The following DLEU7 variants were observed in gnomAD, a reference collection of about 807,000 sequenced individuals.
The protein encoded by DLEU7 is deleted in lymphocytic leukemia 7, also known as leukemia-associated protein 7.
DLEU7 carries 17 observed loss-of-function variants against 16.0 expected under a neutral mutation model. That is an observed-to-expected ratio of 1.06 (90% confidence interval 0.73 to 1.59). DLEU7 has a LOEUF of 1.59. DLEU7 is among the 40% of genes most tolerant of loss of function. The pLI is 0.00. For missense variants in DLEU7, 308 were observed against 314.9 expected (o/e 0.98, Z 0.17); for synonymous variants, 113 against 139.8 (o/e 0.81, Z 1.35).
chr13:50,748,147 A>G (rs1874454550), intron 1 of DLEU7, among the ~76,000 whole-genome samples: 1 of 152,136 alleles, frequency 6.6e-6, no homozygotes, highest in Admixed American at 6.5e-5. Context: ...TTATGAAGTA[A>G]TACAGAGAAC....
intron 1 of DLEU7, among the ~76,000 whole-genome samples, chr13:50,718,049 C>T (rs542194181): frequency 1.3e-5 from 2 of 152,034 alleles, no homozygotes; most frequent in Non-Finnish European, 2.9e-5. Flanking sequence ...AATCTCAGGC[C>T]CTCCCCCAAG....
At chr13:50,762,468 G>T (rs982288040) in intron 1 of DLEU7, among the ~76,000 whole-genome samples, 1 of 152,112 alleles carries the variant, frequency 6.6e-6, no homozygotes, top group Non-Finnish European at 1.5e-5. Context: ...GCCCAGGTCG[G>T]AACCTATCCT....
intron 1 of DLEU7, among the ~76,000 whole-genome samples, chr13:50,793,388 C>G (rs1876022689): frequency 6.6e-6 from 1 of 152,176 alleles, no homozygotes; most frequent in South Asian, 2.1e-4. Context: ...ATTGCTGGGT[C>G]AAATGATAGT....
chr13:50,792,034 T>G (rs2137774397), intron 1 of DLEU7, among the ~76,000 whole-genome samples: 1 of 152,330 alleles, frequency 6.6e-6, no homozygotes, highest in East Asian at 1.9e-4. Flanking sequence ...TGGGGAAAAC[T>G]CTATCAAGTT....
intron 1 of DLEU7, among the ~76,000 whole-genome samples, chr13:50,804,305 T>C (rs894808315): frequency 1.4e-4 from 21 of 152,202 alleles, no homozygotes; most frequent in African/African-American, 4.3e-4. Context: ...TTAGAGAGAA[T>C]TGAAAACTGT....
intron 1 of DLEU7, among the ~76,000 whole-genome samples, chr13:50,769,115 C>T (rs901722673): frequency 6.6e-6 from 1 of 152,150 alleles, no homozygotes; most frequent in Non-Finnish European, 1.5e-5. Context: ...ATTCTTTGCC[C>T]ATTTTCTTGA....
chr13:50,758,025 ATTTTTTTTTT>A (rs5803530), intron 1 of DLEU7, among the ~76,000 whole-genome samples: 7 of 89,108 alleles, frequency 7.9e-5, no homozygotes, highest in Admixed American at 4.0e-4. Context: ...CATTACCAAG[ATTTTTTTTTT>A]TTTTTTTTTT....
intron 1 of DLEU7, among the ~76,000 whole-genome samples, chr13:50,828,702 C>T (rs1323832186): frequency 6.6e-6 from 1 of 152,162 alleles, no homozygotes; most frequent in Non-Finnish European, 1.5e-5. Context: ...AACTATTCTT[C>T]TCCCTATGAA....
chr13:50,843,080 G>T lies in DLEU7; in HGVS notation c.459+108C>A. 2 of 1,093,972 alleles carry T rather than the reference G, an allele frequency of 1.8e-6. No individual in the cohort carries two copies. The highest frequency in any genetic ancestry group is 2.5e-6 in the Non-Finnish European group (2 of 794,536). The allele number at this position is 1,093,972 out of a possible 1,614,324, so 67.8% of individuals were successfully genotyped here. ...CACTGGGGCTGAATCACAGTGGGCA[G>T]CAGTGTTTGGGATCCTGCGATCCAC... On this transcript the variant is annotated intron_variant, in intron 1 of 1. Coordinates refer to ENST00000504404, the MANE Select transcript of DLEU7 (RefSeq NM_001306135.2). This position sits in a 1 kb window ranked among gnomAD's most constrained non-coding sequence, Gnocchi z 5.7.
intron 1 of DLEU7, among the ~76,000 whole-genome samples, chr13:50,792,773 AT>A (rs1875998247): frequency 1.3e-5 from 2 of 151,864 alleles, no homozygotes; most frequent in Non-Finnish European, 2.9e-5. Context: ...TACCCAATCA[AT>A]TTAAGCCAGC....
intron 1 of DLEU7, among the ~76,000 whole-genome samples, chr13:50,715,116 C>G (rs138821431): frequency 6.6e-6 from 1 of 152,186 alleles, no homozygotes; most frequent in Non-Finnish European, 1.5e-5. Context: ...CTTGCAGCCT[C>G]TCTCTGATTC....
Position 50,827,513 on chromosome 13 carries a change from TAA to T in DLEU7, c.460-3995_460-3994del, listed in dbSNP as rs200738869. On this transcript the variant is annotated intron_variant, in intron 1 of 1. Coordinates refer to ENST00000504404, the MANE Select transcript of DLEU7 (RefSeq NM_001306135.2). Reference sequence around the variant, plus strand: ...GGGCTACATGGCAAAACCCTGTCTCTAAAAAAAAAAAAAAATGCAAAAATTAT... The same window carrying T: ...GGGCTACATGGCAAAACCCTGTCTCTAAAAAAAAAAAAATGCAAAAATTAT... Among the ~76,000 whole-genome samples the T allele has an allele frequency of 1.7e-3, 234 of 136,790 alleles. 2 individuals are homozygous for T. The South Asian group carries it at 0.03, about 17-fold the overall frequency. 89.7% of individuals were successfully genotyped at this position (136,790 alleles called of 152,430 possible).
intron 1 of DLEU7, among the ~76,000 whole-genome samples, chr13:50,752,772 G>A (rs954058853): frequency 4.1e-4 from 62 of 152,128 alleles, no homozygotes; most frequent in Non-Finnish European, 7.5e-4. Flanking sequence ...AGGCAGTGTG[G>A]ACCCAAAGAG....
At chr13:50,838,413 T>C (rs980194047) in intron 1 of DLEU7, among the ~76,000 whole-genome samples, 4 of 152,242 alleles carry the variant, frequency 2.6e-5, no homozygotes, top group African/African-American at 4.8e-5. Context: ...CAAATGAAGA[T>C]AGACAAAACT....
At chr13:50,720,761 TA>T (rs1187901384) in intron 1 of DLEU7, among the ~76,000 whole-genome samples, 2 of 152,152 alleles carry the variant, frequency 1.3e-5, no homozygotes, top group Non-Finnish European at 2.9e-5. Flanking sequence ...TGAAGAAAAG[TA>T]ACTCCCTAAA....
At chr13:50,796,216 A>C (rs1235993034) in intron 1 of DLEU7, among the ~76,000 whole-genome samples, 3 of 152,218 alleles carry the variant, frequency 2.0e-5, no homozygotes, top group Non-Finnish European at 4.4e-5. Flanking sequence ...AATCAGGCAC[A>C]GTAACAGATT....
Position 50,728,234 on chromosome 13 carries a change from T to A in DLEU7, c.460-14994A>T, listed in dbSNP as rs2097619074. On this transcript the variant is annotated intron_variant, in intron 1 of 1. Coordinates refer to the DLEU7 transcript ENST00000400393. ...GGGGGTGGGAATGGGTGTCTGCAGC[T>A]TTTTCCAATTACAGATAAGAAACTA... is the stretch of plus-strand genomic sequence containing the variant. Among the ~76,000 whole-genome samples, 3 of 152,156 alleles carry A rather than the reference T, an allele frequency of 2.0e-5. No homozygotes were observed. The South Asian group carries it at 6.2e-4, about 31-fold the overall frequency.
At chr13:50,711,404 G>C (rs574690386), downstream of DLEU7, 10 of 152,166 alleles carry the variant, frequency 6.6e-5, no homozygotes, top group African/African-American at 2.2e-4. Context: ...TATGAAACTT[G>C]CTCACATTTT....
chr13:50,743,573 A>G (rs968414882), intron 1 of DLEU7, among the ~76,000 whole-genome samples: 1 of 152,196 alleles, frequency 6.6e-6, no homozygotes, highest in Non-Finnish European at 1.5e-5. Context: ...AATAAAAAGT[A>G]TGTTGAACCT....
Sources: allele counts gnomAD v4.1 joint callset (sites outside exome capture counted in the v4.1 genomes callset), GRCh38; gene constraint gnomAD v4.1.1; non-coding constraint Gnocchi (gnomAD v3.1); transcripts MANE v1.5; gene names NCBI Gene and HGNC (gene_info 2026-07-23, HGNC 2026-07-21).